LY86: variants seen among roughly 807,000 people sequenced by gnomAD.
The protein encoded by LY86 is lymphocyte antigen 86.
LY86 carries 20 observed loss-of-function variants against 17.3 expected under a neutral mutation model. That is an observed-to-expected ratio of 1.15 (90% CI 0.81 to 1.68). LY86 has a LOEUF of 1.68. Ranked by LOEUF, LY86 falls within the 40% of genes most tolerant of loss-of-function variation. The probability of loss-of-function intolerance (pLI) is 0.00; values close to 1 mark genes in which losing one functional copy is unlikely to be tolerated. For missense variants in LY86, 200 were observed against 191.9 expected, an observed-to-expected ratio of 1.04 and a Z score of -0.25; for synonymous variants, 74 against 70.6, an observed-to-expected ratio of 1.05 and a Z score of -0.24.
intron 3 of LY86, among the ~76,000 whole-genome samples, chr6:6,635,636 C>A (rs1315715262): frequency 2.0e-5 from 3 of 152,220 alleles, no homozygotes; most frequent in African/African-American, 7.2e-5. Flanking sequence ...AGACTTCCTG[C>A]TCCTTCAAAA....
chr6:6,651,844 T>G (rs1326957073), intron 4 of LY86, among the ~76,000 whole-genome samples: 1 of 151,730 alleles, frequency 6.6e-6, no homozygotes, highest in African/African-American at 2.4e-5. Flanking sequence ...TCACTTGAGG[T>G]TGGAAGTTCA....
At chr6:6,591,869 C>T (rs953291259) in intron 1 of LY86, among the ~76,000 whole-genome samples, 7 of 151,970 alleles carry the variant, frequency 4.6e-5, no homozygotes, top group African/African-American at 1.7e-4. Context: ...CAATGACATG[C>T]GTGAAGGCAG....
chr6:6,631,475 G>T (rs1475294669), intron 3 of LY86, among the ~76,000 whole-genome samples: 2 of 152,164 alleles, frequency 1.3e-5, no homozygotes, highest in East Asian at 3.8e-4. Flanking sequence ...CAAAATTATA[G>T]AAATCAAAGG....
chr6:6,613,281 C>T (rs758413751), intron 1 of LY86, among the ~76,000 whole-genome samples: 22 of 152,218 alleles, frequency 1.4e-4, no homozygotes, highest in African/African-American at 2.4e-4. Context: ...CGCCCGCACT[C>T]CTCAGCCCTT....
In LY86 at chr6:6,654,798, G is replaced by C; in HGVS notation, c.*171G>C. The C allele has an allele frequency of 1.7e-6, 1 of 605,506 alleles. No homozygotes were observed. Among genetic ancestry groups the C allele is most frequent in the East Asian group, 2.8e-5 (1 of 36,134 alleles). The allele number at this position is 605,506 out of a possible 1,614,324, so 37.5% of individuals were successfully genotyped here. A position where few individuals can be genotyped will look rare whatever the true frequency, so the allele number is the denominator to read the frequency against. ...TTAGTCCCAGGACCAGACATCCCCA[G>C]ACTCCACAGATGTAATGAAGTCCCC... On this transcript the variant is annotated 3_prime_UTR_variant, in exon 5 of 5. Coordinates refer to ENST00000230568, the MANE Select transcript of LY86 (RefSeq NM_004271.4).
intron 1 of LY86, among the ~76,000 whole-genome samples, chr6:6,601,080 C>T (rs1581232485): frequency 6.6e-6 from 1 of 152,172 alleles, no homozygotes; most frequent in Non-Finnish European, 1.5e-5. Context: ...GATCAGAGTA[C>T]AGGCTTGCTA....
chr6:6,644,035 G>C (rs1762076687), intron 3 of LY86, among the ~76,000 whole-genome samples: 1 of 152,168 alleles, frequency 6.6e-6, no homozygotes, highest in African/African-American at 2.4e-5. Context: ...TAACTCTTGA[G>C]CATTTTTATA....
intron 4 of LY86, among the ~76,000 whole-genome samples, chr6:6,652,552 C>T (rs1464492606): frequency 1.3e-5 from 2 of 152,196 alleles, no homozygotes; most frequent in African/African-American, 2.4e-5. Flanking sequence ...ATGCCTCCTG[C>T]TTTCTGAATG....
At chr6:6,624,798 A>T (rs1202039083) in intron 1 of LY86, 128 bp from the exon 2 acceptor site, 1 of 587,088 alleles carries the variant, frequency 1.7e-6, no homozygotes, top group Non-Finnish European at 3.0e-6. Flanking sequence ...TTATTTTAAA[A>T]AGTGTTGGGC....
At position 6,632,432 on chromosome 6, in the gene LY86, G is replaced by A. The variant is rs529970306; in HGVS notation, c.352+6011G>A. 1.3e-4 allele frequency among the ~76,000 whole-genome samples: 20 copies of A among 152,290 alleles called. No homozygotes were observed. The South Asian group carries it at 3.1e-3, about 24-fold the overall frequency. On this transcript the variant is annotated intron_variant, in intron 3 of 4. Coordinates refer to ENST00000230568, the MANE Select transcript of LY86 (RefSeq NM_004271.4). Reference sequence around the variant, plus strand: ...ATAAGATATGTGATGTGTCTGACGCGTTAGAAATCACAGCACTGAGTCCCT... The same window carrying A: ...ATAAGATATGTGATGTGTCTGACGCATTAGAAATCACAGCACTGAGTCCCT...
chr6:6,601,444 C>T (rs567101316), intron 1 of LY86, among the ~76,000 whole-genome samples: 37 of 152,144 alleles, frequency 2.4e-4, no homozygotes, highest in Non-Finnish European at 4.0e-4. Flanking sequence ...CACTAGAGGC[C>T]GGGCGCGGTG....
At chr6:6,609,799 G>GT (rs1479319846) in intron 1 of LY86, among the ~76,000 whole-genome samples, 1 of 151,714 alleles carries the variant, frequency 6.6e-6, no homozygotes, top group Non-Finnish European at 1.5e-5. Context: ...AAAGCATTTA[G>GT]GAAGCAAACC....
At chr6:6,604,729 T>A (rs2326806) in intron 1 of LY86, among the ~76,000 whole-genome samples, 1 of 151,878 alleles carries the variant, frequency 6.6e-6, no homozygotes, top group Admixed American at 6.5e-5. Context: ...TGGGGGTCTC[T>A]CCACCAGGCT....
chr6:6,606,804 C>A (rs13218469), intron 1 of LY86, among the ~76,000 whole-genome samples: 1 of 152,270 alleles, frequency 6.6e-6, no homozygotes, highest in Non-Finnish European at 1.5e-5. Flanking sequence ...GCTTACGCCT[C>A]TCCCTCCACA....
chr6:6,607,384 G>A (rs1411036792), intron 1 of LY86, among the ~76,000 whole-genome samples: 2 of 152,114 alleles, frequency 1.3e-5, no homozygotes, highest in African/African-American at 4.8e-5. Context: ...ATAGGAAAAA[G>A]AGAAGTTTAT....
chr6:6,634,020 G>A (rs1581249573), intron 3 of LY86, among the ~76,000 whole-genome samples: 1 of 152,278 alleles, frequency 6.6e-6, no homozygotes, highest in Non-Finnish European at 1.5e-5. Flanking sequence ...ATGAAAACCT[G>A]AGAGGACTTA....
intron 1 of LY86, among the ~76,000 whole-genome samples, chr6:6,611,832 T>C (rs1761346357): frequency 1.3e-5 from 2 of 152,210 alleles, no homozygotes; most frequent in South Asian, 4.1e-4. Flanking sequence ...ATAGCAGGGC[T>C]TTTGTCTCTC....
At chr6:6,638,764 C>T (rs1162561414) in intron 3 of LY86, among the ~76,000 whole-genome samples, 1 of 150,930 alleles carries the variant, frequency 6.6e-6, no homozygotes, top group East Asian at 1.9e-4. Flanking sequence ...CCCATTAACT[C>T]GTCATTTAGC....
intron 4 of LY86, among the ~76,000 whole-genome samples, chr6:6,650,068 C>G (rs1223978052): frequency 6.6e-6 from 1 of 152,100 alleles, no homozygotes; most frequent in Non-Finnish European, 1.5e-5. Context: ...TGGGACCGAG[C>G]TCAGGAGGCT....
Sources: gnomAD v4.1 joint callset for allele counts (sites outside exome capture counted in the v4.1 genomes callset) on GRCh38, gnomAD v4.1.1 for gene constraint, MANE v1.5 for transcripts, NCBI Gene and HGNC (gene_info 2026-07-23, HGNC 2026-07-21) for gene names.